The following HS6ST3 variants were observed in gnomAD, a reference collection of about 807,000 sequenced individuals.
HS6ST3 encodes the protein heparan sulfate 6-O-sulfotransferase 3, also known as heparan-sulfate 6-O-sulfotransferase 3.
In HS6ST3, 12 loss-of-function variants were observed where a neutral mutation model predicts 36.7. The observed-to-expected ratio is 0.33, with a 90% CI of 0.21 to 0.53. The LOEUF (loss-of-function observed/expected upper bound fraction) is 0.53, where lower values mean the gene tolerates loss of function less well. Among genes scored for constraint, HS6ST3 ranks in the 20% least tolerant of loss-of-function variants. HS6ST3 has a pLI of 0.95. For missense variants in HS6ST3, 584 were observed against 640.9 expected (o/e 0.91, Z 0.96); for synonymous variants, 240 against 257.5 (o/e 0.93, Z 0.65).
chr13:96,611,099 CTTTTTTTATTTTTA>C (rs2056455809), intron 1 of HS6ST3, among the ~76,000 whole-genome samples: 1 of 149,694 alleles, frequency 6.7e-6, no homozygotes, highest in African/African-American at 2.4e-5. Context: ...TCTTTATTTT[CTTTTTTTATTTTTA>C]TTTTTTATTT....
At chr13:96,368,733 T>C (rs1198747749) in intron 1 of HS6ST3, among the ~76,000 whole-genome samples, 1 of 152,166 alleles carries the variant, frequency 6.6e-6, no homozygotes, top group African/African-American at 2.4e-5. Flanking sequence ...TTTTTGACTT[T>C]AGGCAAAATA....
At chr13:96,793,721 G>A (rs1448496264) in intron 1 of HS6ST3, among the ~76,000 whole-genome samples, 2 of 152,052 alleles carry the variant, frequency 1.3e-5, no homozygotes, top group African/African-American at 4.8e-5. Context: ...ATTAGACGAT[G>A]CACATTTGAT....
chr13:96,317,352 A>AATTT (rs371822264), intron 1 of HS6ST3, among the ~76,000 whole-genome samples: 2 of 71,042 alleles, frequency 2.8e-5, no homozygotes, highest in African/African-American at 1.8e-4. Context: ...ATATATATAT[A>AATTT]TATATATATA....
intron 1 of HS6ST3, among the ~76,000 whole-genome samples, chr13:96,258,820 A>G (rs1221786987): frequency 6.6e-6 from 1 of 152,142 alleles, no homozygotes; most frequent in Non-Finnish European, 1.5e-5. Flanking sequence ...TATGCTAAGG[A>G]CTTGAGAAAT....
intron 1 of HS6ST3, among the ~76,000 whole-genome samples, chr13:96,592,034 C>A (rs992797387): frequency 3.3e-5 from 5 of 152,004 alleles, no homozygotes; most frequent in Non-Finnish European, 5.9e-5. Flanking sequence ...TCTTTGCATC[C>A]CTGAGATAAA....
At chr13:96,187,476 A>G (rs377733197) in intron 1 of HS6ST3, among the ~76,000 whole-genome samples, 46 of 152,306 alleles carry the variant, frequency 3.0e-4, no homozygotes, top group Middle Eastern at 3.4e-3. Flanking sequence ...CAGGTTTCCC[A>G]GTTAGTCAGT....
intron 1 of HS6ST3, among the ~76,000 whole-genome samples, chr13:96,613,889 C>A (rs1317611121): frequency 3.9e-5 from 6 of 152,164 alleles, no homozygotes; most frequent in Admixed American, 3.9e-4. Context: ...TGTTAAGCAT[C>A]TATTGATCAC....
At chr13:96,347,235 A>C (rs2055160369) in intron 1 of HS6ST3, among the ~76,000 whole-genome samples, 1 of 152,218 alleles carries the variant, frequency 6.6e-6, no homozygotes, top group African/African-American at 2.4e-5. Flanking sequence ...TATGCTACAC[A>C]GAAATAGATA....
At chr13:96,202,092 A>C (rs1337440085) in intron 1 of HS6ST3, among the ~76,000 whole-genome samples, 24 of 152,198 alleles carry the variant, frequency 1.6e-4, no homozygotes, top group Non-Finnish European at 4.4e-5. Flanking sequence ...CATATTGCTG[A>C]CTACTTTGAT....
intron 1 of HS6ST3, among the ~76,000 whole-genome samples, chr13:96,447,541 A>G (rs747355190): frequency 2.0e-5 from 3 of 152,176 alleles, no homozygotes; most frequent in Non-Finnish European, 4.4e-5. Flanking sequence ...AACTGGGTCC[A>G]CCCAAACATG....
At chr13:96,225,961 C>T (rs910172675) in intron 1 of HS6ST3, among the ~76,000 whole-genome samples, 10 of 152,044 alleles carry the variant, frequency 6.6e-5, no homozygotes, top group African/African-American at 2.4e-4. Flanking sequence ...ATGGTCTTGC[C>T]AATGACTCAC....
intron 1 of HS6ST3, among the ~76,000 whole-genome samples, chr13:96,155,916 G>T (rs542782187): frequency 1.3e-5 from 2 of 152,016 alleles, no homozygotes; most frequent in African/African-American, 4.8e-5. Context: ...AAACCCAAAG[G>T]TCACTTTTTC....
At chr13:96,764,601 C>T (rs1160133381) in intron 1 of HS6ST3, among the ~76,000 whole-genome samples, 2 of 152,166 alleles carry the variant, frequency 1.3e-5, no homozygotes, top group Non-Finnish European at 2.9e-5. Context: ...CCAGCCATGC[C>T]ATCTTGCTCA....
intron 1 of HS6ST3, among the ~76,000 whole-genome samples, chr13:96,787,654 T>C (rs1488752582): frequency 2.6e-5 from 4 of 152,048 alleles, no homozygotes; most frequent in Non-Finnish European, 5.9e-5. Context: ...TTATGTATTT[T>C]GTAATCACCT....
At chr13:96,797,514 T>C (rs1877942983) in intron 1 of HS6ST3, among the ~76,000 whole-genome samples, 1 of 152,002 alleles carries the variant, frequency 6.6e-6, no homozygotes, top group African/African-American at 2.4e-5. Context: ...TAAAAAATCT[T>C]GAAGAAATAG....
intron 1 of HS6ST3, among the ~76,000 whole-genome samples, chr13:96,385,316 C>T (rs1352385123): frequency 1.3e-5 from 2 of 152,132 alleles, no homozygotes; most frequent in Non-Finnish European, 1.5e-5. Flanking sequence ...AGTAAAGCCT[C>T]CCTCTGCAGC....
At chr13:96,131,526 T>G (rs756515934) in intron 1 of HS6ST3, among the ~76,000 whole-genome samples, 25 of 152,332 alleles carry the variant, frequency 1.6e-4, no homozygotes, top group South Asian at 1.2e-3. Flanking sequence ...ACATTATGTA[T>G]TACCATACAT....
intron 1 of HS6ST3, among the ~76,000 whole-genome samples, chr13:96,345,865 T>C (rs2055151525): frequency 6.6e-6 from 1 of 152,138 alleles, no homozygotes; most frequent in African/African-American, 2.4e-5. Context: ...ACCAAAAAAA[T>C]CTCATAATAT....
intron 1 of HS6ST3, among the ~76,000 whole-genome samples, chr13:96,731,051 A>G (rs1202478507): frequency 6.6e-6 from 1 of 152,222 alleles, no homozygotes; most frequent in Non-Finnish European, 1.5e-5. Flanking sequence ...TAAGTCAGTT[A>G]ACATAAACAT....
Sources: gnomAD v4.1 joint callset for allele counts (sites outside exome capture counted in the v4.1 genomes callset) on GRCh38, gnomAD v4.1.1 for gene constraint, MANE v1.5 for transcripts, NCBI Gene and HGNC (gene_info 2026-07-23, HGNC 2026-07-21) for gene names.